Variants in CRB1 observed in about 807,000 individuals in gnomAD.
The protein encoded by CRB1 is crumbs cell polarity complex component 1, also known as protein crumbs homolog 1.
In CRB1, 83 loss-of-function variants were observed where a neutral mutation model predicts 120.0. The observed-to-expected ratio is 0.69, with a 90% CI of 0.58 to 0.83. CRB1 has a LOEUF of 0.83. Among genes scored for constraint, CRB1 ranks in the 40% least tolerant of loss-of-function variants. CRB1 has a pLI of 0.00. For synonymous variants in CRB1, 625 were observed against 612.5 expected (o/e 1.02, Z -0.30); for missense variants, 1,699 against 1,687.6 (o/e 1.01, Z -0.12).
chr1:197,348,259 T>C (rs146268852), intron 4 of CRB1, among the ~76,000 whole-genome samples: 3 of 152,304 alleles, frequency 2.0e-5, no homozygotes, highest in African/African-American at 4.8e-5. Context: ...AAAGAACGCA[T>C]TGTTGTCATA....
intron 5 of CRB1, among the ~76,000 whole-genome samples, chr1:197,370,643 A>G (rs1265849034): frequency 2.0e-5 from 3 of 152,216 alleles, no homozygotes. Flanking sequence ...TAACCTATCA[A>G]AACCTCTGGG....
At chr1:197,452,527 A>G (rs1322201941) in intron 11 of CRB1, among the ~76,000 whole-genome samples, 2 of 152,218 alleles carry the variant, frequency 1.3e-5, no homozygotes, top group African/African-American at 4.8e-5. Context: ...AAGGGACCTT[A>G]CATATCAATT....
intron 1 of CRB1, among the ~76,000 whole-genome samples, chr1:197,279,495 A>G (rs1459899989): frequency 6.6e-6 from 1 of 150,768 alleles, no homozygotes. Context: ...CTTTCTCTTC[A>G]CTAACCTCAT....
intron 1 of CRB1, among the ~76,000 whole-genome samples, chr1:197,284,739 A>G (rs1655725023): frequency 6.6e-6 from 1 of 151,930 alleles, no homozygotes; most frequent in African/African-American, 2.4e-5. Context: ...TAAGCAAACA[A>G]AAACTTCACA....
chr1:197,320,662 G>T (rs1193784436), intron 1 of CRB1, among the ~76,000 whole-genome samples: 1 of 152,130 alleles, frequency 6.6e-6, no homozygotes, highest in African/African-American at 2.4e-5. Context: ...GGAAGATGGG[G>T]ATCAAGTTTG....
At chr1:197,374,604 G>C (rs1250320059) in intron 5 of CRB1, among the ~76,000 whole-genome samples, 1 of 152,082 alleles carries the variant, frequency 6.6e-6, no homozygotes, top group Non-Finnish European at 1.5e-5. Context: ...AGGAATCAGG[G>C]GTCATAGAGG....
the CRB1 span, among the ~76,000 whole-genome samples, chr1:197,216,156 G>A: frequency 6.6e-6 from 1 of 151,968 alleles, no homozygotes; most frequent in Non-Finnish European, 1.5e-5. Flanking sequence ...CCCCATTTTG[G>A]TATAGTCCCA....
chr1:197,360,145 T>C (rs12126335), intron 5 of CRB1, among the ~76,000 whole-genome samples: 86,732 of 152,116 alleles, frequency 0.57, 28,365 homozygotes, highest in South Asian at 0.81. Context: ...CTCAGCCACA[T>C]AAGAATGGGC....
At chr1:197,252,984 T>G in the CRB1 span, among the ~76,000 whole-genome samples, 2 of 151,986 alleles carry the variant, frequency 1.3e-5, no homozygotes, top group Non-Finnish European at 2.9e-5. Flanking sequence ...TGGAAACACC[T>G]TCACAGACAC....
At chr1:197,278,813 CAACTATATA>C in intron 1 of CRB1, among the ~76,000 whole-genome samples, 1 of 151,906 alleles carries the variant, frequency 6.6e-6, no homozygotes, top group East Asian at 1.9e-4. Context: ...ATTATTTCAG[CAACTATATA>C]TTAAGCAGTT....
intron 1 of CRB1, among the ~76,000 whole-genome samples, chr1:197,272,790 CAG>C (rs1454205602): frequency 6.6e-6 from 1 of 152,066 alleles, no homozygotes; most frequent in Non-Finnish European, 1.5e-5. Context: ...AGAAGAGGCA[CAG>C]GGGACTTTTA....
At chr1:197,339,711 C>T (rs1319656421) in intron 2 of CRB1, among the ~76,000 whole-genome samples, 1 of 152,168 alleles carries the variant, frequency 6.6e-6, no homozygotes, top group Non-Finnish European at 1.5e-5. Flanking sequence ...TATCTTGTGG[C>T]ACGGAATCTT....
the CRB1 span, among the ~76,000 whole-genome samples, chr1:197,209,038 C>G: frequency 6.6e-6 from 1 of 152,144 alleles, no homozygotes; most frequent in African/African-American, 2.4e-5. Flanking sequence ...TCACCCCGCT[C>G]CCACACAGCC....
chr1:197,470,682 T>C (rs1178507695), intron 11 of CRB1, among the ~76,000 whole-genome samples: 2 of 152,236 alleles, frequency 1.3e-5, no homozygotes, highest in Non-Finnish European at 2.9e-5. Flanking sequence ...TGCTTCTGCC[T>C]AAAATCTGGT....
intron 1 of CRB1, among the ~76,000 whole-genome samples, chr1:197,272,186 A>C (rs953552656): frequency 4.6e-5 from 7 of 152,164 alleles, no homozygotes; most frequent in Non-Finnish European, 5.9e-5. Flanking sequence ...AAAATTCTAC[A>C]TGTGTAGAAA....
At chr1:197,399,767 T>TC (rs1295028876) in intron 5 of CRB1, among the ~76,000 whole-genome samples, 1 of 152,118 alleles carries the variant, frequency 6.6e-6, no homozygotes, top group Non-Finnish European at 1.5e-5. Flanking sequence ...ACTTCAAAGT[T>TC]CATGTGTGTG....
chr1:197,407,547 A>C (rs895637921), intron 5 of CRB1, among the ~76,000 whole-genome samples: 2 of 152,204 alleles, frequency 1.3e-5, no homozygotes, highest in South Asian at 2.1e-4. Context: ...TTTCCAGATC[A>C]AATATTCCTG....
the CRB1 span, among the ~76,000 whole-genome samples, chr1:197,254,780 C>T: frequency 2.0e-5 from 3 of 152,052 alleles, no homozygotes; most frequent in Admixed American, 6.6e-5. Flanking sequence ...ATTGCTTTAT[C>T]TTATGTGACT....
intron 1 of CRB1, among the ~76,000 whole-genome samples, chr1:197,273,054 C>A (rs76731734): frequency 1.3e-5 from 2 of 151,772 alleles, no homozygotes; most frequent in Non-Finnish European, 3.0e-5. Context: ...TTAGATATTA[C>A]CTGACATGCT....
Sources: gnomAD v4.1 joint callset for allele counts (sites outside exome capture counted in the v4.1 genomes callset) on GRCh38, gnomAD v4.1.1 for gene constraint, MANE v1.5 for transcripts, NCBI Gene and HGNC (gene_info 2026-07-23, HGNC 2026-07-21) for gene names.